The following RPH3AL variants were observed in gnomAD, a reference collection of about 807,000 sequenced individuals.
The protein encoded by RPH3AL is rab effector Noc2.
Under a neutral mutation model 43.1 loss-of-function variants are expected in RPH3AL, and 38 were observed. The ratio of observed to expected loss-of-function variants is 0.88; its 90% CI spans 0.68 to 1.15. The LOEUF (loss-of-function observed/expected upper bound fraction) is 1.15, where lower values mean the gene tolerates loss of function less well. RPH3AL is among the 50% of genes most tolerant of loss of function. The pLI, the probability that RPH3AL is intolerant of heterozygous loss-of-function variation, is 0.00. For synonymous variants in RPH3AL, 189 were observed against 176.3 expected, an observed-to-expected ratio of 1.07 and a Z score of -0.57; for missense variants, 462 against 423.2, an observed-to-expected ratio of 1.09 and a Z score of -0.81.
chr17:298,051 A>G (rs886116456), intron 5 of RPH3AL, among the ~76,000 whole-genome samples: 2 of 152,046 alleles, frequency 1.3e-5, no homozygotes, highest in African/African-American at 2.4e-5. Flanking sequence ...CCAACCCTCT[A>G]GCCACCTCTC....
At chr17:316,219 C>T (rs1222451009) in intron 5 of RPH3AL, among the ~76,000 whole-genome samples, 3 of 118,428 alleles carry the variant, frequency 2.5e-5, no homozygotes, top group East Asian at 3.7e-4. Context: ...CCTCCATTGA[C>T]CTGTAGTCCC....
chr17:241,344 C>T (rs1196552628), intron 7 of RPH3AL, among the ~76,000 whole-genome samples: 1 of 152,092 alleles, frequency 6.6e-6, no homozygotes, highest in Non-Finnish European at 1.5e-5. Context: ...TGCAGCGAGC[C>T]ATGATTGTGC....
Position 321,343 on chromosome 17 carries a change from CGCCGGGCTGAGGTGCTGCTTCCTCCTCT to C in RPH3AL, c.122_149del (p.Gln41ArgfsTer34), listed in dbSNP as rs948510186. ...TGACCTGCAGGATGGCCTCCACCTCCGCCGGGCTGAGGTGCTGCTTCCTCCTCTGCTTCTCCGTCTGGTAGGTGTGCAC... is the reference window on the plus strand; with the variant it reads ...TGACCTGCAGGATGGCCTCCACCTCCGCTTCTCCGTCTGGTAGGTGTGCAC... On this transcript the variant is annotated frameshift_variant, in exon 4 of 10. Coordinates refer to ENST00000331302, the MANE Select transcript of RPH3AL (RefSeq NM_006987.4). LOFTEE classifies it high-confidence loss of function. The C allele has an allele frequency of 1.1e-5, 17 of 1,611,530 alleles. No individual in the cohort carries two copies. Among genetic ancestry groups the C allele is most frequent in the Middle Eastern group, 1.6e-4 (1 of 6,082 alleles).
chr17:315,565 C>T (rs1555519736), intron 5 of RPH3AL, among the ~76,000 whole-genome samples: 28 of 53,448 alleles, frequency 5.2e-4, no homozygotes, highest in South Asian at 2.0e-3. Flanking sequence ...GTCCCTGTGC[C>T]CCACCTCCAT....
chr17:214,605 A>G (rs1173456438), intron 9 of RPH3AL: 1 of 152,274 alleles, frequency 6.6e-6, no homozygotes, highest in African/African-American at 2.4e-5. Context: ...GTCCCTTTGA[A>G]AAATACAAAA....
intron 7 of RPH3AL, among the ~76,000 whole-genome samples, chr17:237,911 G>T (rs1244362000): frequency 6.6e-6 from 1 of 152,188 alleles, no homozygotes; most frequent in Non-Finnish European, 1.5e-5. Flanking sequence ...ATTTTGGGAG[G>T]CTGAGCCAGA....
rs933743075 is a variant in RPH3AL at position 246,211 on chromosome 17, G to C, written c.613+900C>G. ...CAGGATGTCGCAAAGCCCCTGAGAA[G>C]CGGCCGCCAGGTCTATTGTGATGGG... On this transcript the variant is annotated intron_variant, in intron 7 of 9. Coordinates refer to ENST00000331302, the MANE Select transcript of RPH3AL (RefSeq NM_006987.4). This position sits in a 1 kb window ranked among gnomAD's most constrained non-coding sequence, Gnocchi z 4.8. 2.6e-5 allele frequency among the ~76,000 whole-genome samples: 4 copies of C among 152,172 alleles called. No individual in the cohort carries two copies. Among genetic ancestry groups the C allele is most frequent in the African/African-American group, 9.7e-5 (4 of 41,444 alleles).
At chr17:266,680 A>AACTGCCAGCACAGTAGAAAGGAAAC (rs1199910864) in intron 6 of RPH3AL, among the ~76,000 whole-genome samples, 5 of 152,272 alleles carry the variant, frequency 3.3e-5, no homozygotes, top group Non-Finnish European at 7.3e-5. Context: ...GGAGGCAGGC[A>AACTGCCAGCACAGTAGAAAGGAAAC]ACTGCCAGCA....
In RPH3AL at chr17:289,627, T is replaced by C. The variant is rs1309349780; in HGVS notation, c.352-7773A>G. On this transcript the variant is annotated intron_variant, in intron 5 of 9. Coordinates refer to ENST00000331302, the MANE Select transcript of RPH3AL (RefSeq NM_006987.4). The surrounding 1 kb of genome is among the most constrained non-coding windows in gnomAD (Gnocchi z 5.2). The stretch of plus-strand genomic sequence containing the variant: ...TCAGAGGCTTCCCGCTGCTCTGGGG[T>C]GACCACCGCCTCACTTCATACGGCA... Among the ~76,000 whole-genome samples, 1 of 152,138 alleles carries C rather than the reference T, an allele frequency of 6.6e-6. No homozygotes were observed. Among genetic ancestry groups the C allele is most frequent in the Non-Finnish European group, 1.5e-5 (1 of 68,018 alleles).
intron 7 of RPH3AL, among the ~76,000 whole-genome samples, chr17:242,573 TACCTTCCTCTATTGAC>T (rs1555537511): frequency 2.6e-4 from 31 of 119,692 alleles, no homozygotes; most frequent in African/African-American, 7.3e-4. Context: ...CTCTATTGAC[TACCTTCCTCTATTGAC>T]TACCTTCCTC....
intron 5 of RPH3AL, among the ~76,000 whole-genome samples, chr17:309,688 C>A (rs1351395229): frequency 7.1e-6 from 1 of 140,206 alleles, no homozygotes; most frequent in African/African-American, 3.2e-5. Flanking sequence ...CGTCCCCTGC[C>A]CTGCCCCAGG....
At chr17:233,900 G>A (rs77382944) in intron 7 of RPH3AL, among the ~76,000 whole-genome samples, 1,542 of 43,890 alleles carry the variant, frequency 0.035, 6 homozygotes, top group African/African-American at 0.066. Flanking sequence ...TCCCCCAAGC[G>A]GGGAGCGGCT....
chr17:281,272 C>T (rs917247654), intron 6 of RPH3AL, among the ~76,000 whole-genome samples: 2 of 152,158 alleles, frequency 1.3e-5, no homozygotes, highest in African/African-American at 4.8e-5. Flanking sequence ...TCTGTGCTTG[C>T]AGGTTATTTA....
In RPH3AL at chr17:242,847, T is replaced by C. The variant is rs77302314; in HGVS notation, c.613+4264A>G. On this transcript the variant is annotated intron_variant, in intron 7 of 9. Transcript: ENST00000331302. The stretch of plus-strand genomic sequence containing the variant: ...CTATTGATTACCCTTCCTCTATTGA[T>C]TACCTTCCTCTATTGATTACCCTTC... Among the ~76,000 whole-genome samples, 10 of 127,066 alleles carry C rather than the reference T, an allele frequency of 7.9e-5. No homozygotes were observed. The East Asian group carries it at 9.8e-4, about 12-fold the overall frequency. The allele number at this position is 127,066 out of a possible 152,430, so 83.4% of individuals were successfully genotyped here.
At chr17:258,565 G>C (rs1039553504) in intron 6 of RPH3AL, among the ~76,000 whole-genome samples, 22 of 152,208 alleles carry the variant, frequency 1.4e-4, no homozygotes, top group African/African-American at 5.1e-4. Context: ...CAGCTGCCCT[G>C]CCTCCCCTGG....
At chr17:250,393 T>C (rs1242273713) in intron 6 of RPH3AL, among the ~76,000 whole-genome samples, 2 of 143,612 alleles carry the variant, frequency 1.4e-5, no homozygotes, top group African/African-American at 2.6e-5. Flanking sequence ...TCTCAGAGCC[T>C]AAGCTCCGTC....
At chr17:291,609 A>G (rs1042408996) in intron 5 of RPH3AL, among the ~76,000 whole-genome samples, 4 of 152,178 alleles carry the variant, frequency 2.6e-5, no homozygotes, top group Non-Finnish European at 4.4e-5. Context: ...GAGAGCCTCC[A>G]CGTGTGTGTT....
At chr17:242,144 A>T (rs2041554743) in intron 7 of RPH3AL, among the ~76,000 whole-genome samples, 1 of 152,140 alleles carries the variant, frequency 6.6e-6, no homozygotes, top group African/African-American at 2.4e-5. Flanking sequence ...TTAACAAAAA[A>T]ACTTTAAAGG....
chr17:316,258 C>A (rs1459163113), intron 5 of RPH3AL, among the ~76,000 whole-genome samples: 1 of 119,542 alleles, frequency 8.4e-6, no homozygotes, highest in Admixed American at 9.1e-5. Flanking sequence ...GACCTGTAGT[C>A]CCTGTGACTC....
Sources: allele counts gnomAD v4.1 joint callset (sites outside exome capture counted in the v4.1 genomes callset), GRCh38; gene constraint gnomAD v4.1.1; non-coding constraint Gnocchi (gnomAD v3.1); transcripts MANE v1.5; gene names NCBI Gene and HGNC (gene_info 2026-07-23, HGNC 2026-07-21).